The following POLR3GL variants were observed in gnomAD, a reference collection of about 807,000 sequenced individuals.
POLR3GL encodes DNA-directed RNA polymerase III subunit RPC7-like.
Under a neutral mutation model 32.4 loss-of-function variants are expected in POLR3GL, and 26 were observed. The ratio of observed to expected loss-of-function variants is 0.80; its 90% CI spans 0.59 to 1.11. The LOEUF is 1.11. Ranked by LOEUF, POLR3GL falls within the 50% of genes most tolerant of loss-of-function variation. The pLI, the probability that POLR3GL is intolerant of heterozygous loss-of-function variation, is 0.00. For missense variants in POLR3GL, 229 were observed against 280.1 expected, an observed-to-expected ratio of 0.82 and a Z score of 1.30; for synonymous variants, 95 against 98.7, an observed-to-expected ratio of 0.96 and a Z score of 0.22.
intron 1 of POLR3GL, among the ~76,000 whole-genome samples, chr1:145,969,340 C>T (rs1013650296): frequency 5.3e-5 from 8 of 152,002 alleles, no homozygotes; most frequent in Non-Finnish European, 1.0e-4. Context: ...TCTCGGCTCA[C>T]TGCAACCTCC....
intron 1 of POLR3GL, among the ~76,000 whole-genome samples, chr1:145,967,410 A>G (rs1486425095): frequency 6.6e-6 from 1 of 152,078 alleles, no homozygotes; most frequent in African/African-American, 2.4e-5. Flanking sequence ...TCCTGGCCTC[A>G]AGTGATCTGT....
At chr1:145,978,194 C>T (rs1319493044) in intron 7 of POLR3GL, 98 bp downstream of exon 7, 23 of 1,514,734 alleles carry the variant, frequency 1.5e-5, no homozygotes, top group Non-Finnish European at 1.9e-5. Flanking sequence ...GAGATAGTGC[C>T]CCCCAGGGTA....
intron 1 of POLR3GL, among the ~76,000 whole-genome samples, 163 bp from the exon 2 acceptor site, chr1:145,974,662 T>C (rs1438566806): frequency 2.6e-5 from 4 of 152,198 alleles, no homozygotes; most frequent in Non-Finnish European, 2.9e-5. Flanking sequence ...CATGTTTATA[T>C]TTCCAGAAAT....
intron 2 of POLR3GL, 152 bp downstream of exon 2, chr1:145,975,143 G>A (rs1233299884): frequency 3.1e-5 from 40 of 1,310,590 alleles, no homozygotes; most frequent in Non-Finnish European, 4.0e-5. Context: ...GCAAAGAAGT[G>A]TCCACCTTTA....
intron 2 of POLR3GL, 65 bp downstream of exon 2, chr1:145,975,056 T>C: frequency 6.7e-7 from 1 of 1,488,810 alleles, no homozygotes; most frequent in Non-Finnish European, 9.0e-7. Context: ...TGATTCTGAA[T>C]TCCTCCTGGA....
chr1:145,978,298 T>G, intron 7 of POLR3GL, 63 bp from the exon 8 acceptor site: 1 of 1,359,664 alleles, frequency 7.4e-7, no homozygotes, highest in Non-Finnish European at 1.0e-6. Context: ...AGGAAAGGGG[T>G]CTGGTACACA....
Position 145,974,894 on chromosome 1 carries a change from G to A in POLR3GL, c.29G>A (p.Arg10His), listed in dbSNP as rs370170498. Residue 10 changes from arginine (R) to histidine (H), a missense_variant, in exon 2 of 8, where the codon CGT (arginine) becomes CAT (histidine). Coordinates refer to ENST00000369314, the MANE Select transcript of POLR3GL (RefSeq NM_032305.3). MASRGGGRG[R>H]GRGQLTFNVE... Reference sequence around the variant, plus strand: ...GCCAGCCGGGGTGGGGGCCGGGGTCGTGGCCGGGGCCAGTTGACCTTCAAC... The same window carrying A: ...GCCAGCCGGGGTGGGGGCCGGGGTCATGGCCGGGGCCAGTTGACCTTCAAC... The A allele has an allele frequency of 1.9e-4, 288 of 1,518,848 alleles. No individual in the cohort carries two copies. Among genetic ancestry groups the A allele is most frequent in the Admixed American group, 4.2e-4 (16 of 37,758 alleles). The allele number at this position is 1,518,848 out of a possible 1,614,324, so 94.1% of individuals were successfully genotyped here.
intron 1 of POLR3GL, among the ~76,000 whole-genome samples, chr1:145,967,951 G>A (rs1375999959): frequency 6.6e-6 from 1 of 152,184 alleles, no homozygotes; most frequent in Non-Finnish European, 1.5e-5. Context: ...CCAGAGTTTT[G>A]TAGCTAGGAA....
chr1:145,976,294 A>T (rs1167349254), intron 3 of POLR3GL, among the ~76,000 whole-genome samples: 3 of 151,622 alleles, frequency 2.0e-5, no homozygotes, highest in Non-Finnish European at 4.4e-5. Context: ...CTCAAAAAAA[A>T]AAGGCCAGGT....
At position 145,976,189 on chromosome 1, in the gene POLR3GL, A is replaced by AG. The variant is rs781846928; in HGVS notation, c.256+755dup. On this transcript the variant is annotated intron_variant, in intron 3 of 7. Transcript: ENST00000369314. The stretch of plus-strand genomic sequence containing the variant: ...ACTCGGGAGGCTGAGGCTGAGGCTG[A>AG]GGCATGAGAATCGCTTGAACCTGGG... 1.4e-4 allele frequency among the ~76,000 whole-genome samples: 22 copies of AG among 151,896 alleles called. 1 individual carries two copies. In the East Asian group the frequency reaches 3.1e-3, roughly 22 times the overall value.
intron 1 of POLR3GL, among the ~76,000 whole-genome samples, chr1:145,967,128 A>T (rs1322969405): frequency 6.6e-6 from 1 of 151,670 alleles, no homozygotes; most frequent in Non-Finnish European, 1.5e-5. Context: ...TTATTATTTA[A>T]ATCTTTGTCA....
chr1:145,974,878 G>T lies in POLR3GL; in HGVS notation c.13G>T (p.Gly5Cys). The change falls in exon 2 of 8, where the codon GGT (glycine) becomes TGT (cysteine). Residue 5 changes from glycine (G) to cysteine (C), a missense_variant. Coordinates refer to ENST00000369314, the MANE Select transcript of POLR3GL (RefSeq NM_032305.3). ...GGCCCCCTCCACCATGGCCAGCCGG[G>T]GTGGGGGCCGGGGTCGTGGCCGGGG... is the stretch of plus-strand genomic sequence containing the variant. MASR[G>C]GGRGRGRGQL... 6.6e-7 allele frequency: 1 copy of T among 1,516,190 alleles called. No homozygotes were observed. Among genetic ancestry groups the T allele is most frequent in the Admixed American group, 2.7e-5 (1 of 37,500 alleles). The allele number at this position is 1,516,190 out of a possible 1,614,324, so 93.9% of individuals were successfully genotyped here. A position where few individuals can be genotyped will look rare whatever the true frequency, so the allele number is the denominator to read the frequency against.
chr1:145,977,593 A>T lies in POLR3GL; in HGVS notation c.382+54A>T. 2.0e-6 allele frequency: 3 copies of T among 1,522,218 alleles called. No homozygotes were observed. In the East Asian group the frequency reaches 6.7e-5, roughly 34 times the overall value. 94.3% of individuals were successfully genotyped at this position (1,522,218 alleles called of 1,614,324 possible). On this transcript the variant is annotated intron_variant, in intron 5 of 7. Coordinates refer to ENST00000369314, the MANE Select transcript of POLR3GL (RefSeq NM_032305.3). ...AAGAGAGGTTTCCTTCATCAGCCTG[A>T]GGGCCGAGGCTGCTGCTGGTCTCAC...
chr1:145,967,833 C>G (rs1232419372), intron 1 of POLR3GL, among the ~76,000 whole-genome samples: 4 of 152,110 alleles, frequency 2.6e-5, no homozygotes, highest in African/African-American at 9.7e-5. Context: ...GCCTGGCACA[C>G]CTAGTAAGCA....
intron 1 of POLR3GL, among the ~76,000 whole-genome samples, chr1:145,969,938 A>G (rs1650205310): frequency 6.6e-6 from 1 of 151,096 alleles, no homozygotes; most frequent in South Asian, 2.1e-4. Flanking sequence ...AAAAAAAAAA[A>G]GATACACAAC....
intron 1 of POLR3GL, among the ~76,000 whole-genome samples, chr1:145,972,030 GTA>G (rs1553762794): frequency 3.9e-5 from 5 of 128,532 alleles, no homozygotes; most frequent in Admixed American, 2.4e-4. Context: ...GTGTGTGTGT[GTA>G]TATATATAGA....
At chr1:145,970,656 G>A (rs1382129248) in intron 1 of POLR3GL, among the ~76,000 whole-genome samples, 7 of 147,276 alleles carry the variant, frequency 4.8e-5, no homozygotes, top group South Asian at 4.3e-4. Context: ...GGTGGATCAC[G>A]AGGTCAGGAG....
At chr1:145,971,990 ATATAT>A (rs1439694090) in intron 1 of POLR3GL, among the ~76,000 whole-genome samples, 1 of 46,882 alleles carries the variant, frequency 2.1e-5, no homozygotes, top group Non-Finnish European at 3.7e-5. Flanking sequence ...AAAAAAAAAA[ATATAT>A]ATATATATAT....
In POLR3GL at chr1:145,978,489, G is replaced by A. The variant is rs782607705; in HGVS notation, c.*42G>A. ...CTCGTGTCTTTCTTTAGGATACAGA[G>A]AGTAACTGTACCTATTATTTGTTTC... is the stretch of plus-strand genomic sequence containing the variant. On this transcript the variant is annotated 3_prime_UTR_variant, in exon 8 of 8. Transcript: ENST00000369314. The A allele has an allele frequency of 2.4e-5, 29 of 1,203,592 alleles. No individual in the cohort carries two copies. The highest frequency in any genetic ancestry group is 3.4e-5 in the Non-Finnish European group (28 of 812,524). The allele number at this position is 1,203,592 out of a possible 1,614,324, so 74.6% of individuals were successfully genotyped here.
Sources: gnomAD v4.1 joint callset for allele counts (sites outside exome capture counted in the v4.1 genomes callset) on GRCh38, gnomAD v4.1.1 for gene constraint, MANE v1.5 for transcripts, NCBI Gene and HGNC (gene_info 2026-07-23, HGNC 2026-07-21) for gene names.